The following BTRC variants were observed in gnomAD, a reference collection of about 807,000 sequenced individuals.
BTRC encodes the protein F-box/WD repeat-containing protein 1A.
Under a neutral mutation model 85.5 loss-of-function variants are expected in BTRC, and 42 were observed. That is an observed-to-expected ratio of 0.49 (90% confidence interval 0.38 to 0.64). BTRC has a LOEUF of 0.64. Among genes scored for constraint, BTRC ranks in the 30% least tolerant of loss-of-function variants. The pLI is 0.00. For synonymous variants in BTRC, 255 were observed against 263.3 expected, an observed-to-expected ratio of 0.97 and a Z score of 0.30; for missense variants, 594 against 743.5, an observed-to-expected ratio of 0.80 and a Z score of 2.34.
chr10:101,374,280 T>C (rs912360718), intron 1 of BTRC, among the ~76,000 whole-genome samples: 4 of 152,150 alleles, frequency 2.6e-5, no homozygotes, highest in African/African-American at 2.4e-5. Context: ...TGGTATCTCA[T>C]AGTGGTTTTG....
At chr10:101,543,970 C>A (rs982648206) in intron 13 of BTRC, among the ~76,000 whole-genome samples, 2 of 152,142 alleles carry the variant, frequency 1.3e-5, no homozygotes, top group Non-Finnish European at 2.9e-5. Flanking sequence ...AGTGCACTGG[C>A]GTGATCTTGG....
chr10:101,471,724 G>T (rs1228924592), intron 3 of BTRC, among the ~76,000 whole-genome samples: 1 of 152,098 alleles, frequency 6.6e-6, no homozygotes, highest in African/African-American at 2.4e-5. Context: ...CTTTGTGAAA[G>T]ATTTTTTAAA....
At chr10:101,354,334 C>G (rs1172353288) in intron 1 of BTRC, 106 bp downstream of exon 1, 2 of 1,278,052 alleles carry the variant, frequency 1.6e-6, no homozygotes, top group South Asian at 3.1e-5. Flanking sequence ...GACCCTGGGC[C>G]GAGGCTGGCG....
At chr10:101,430,559 CCTT>C in intron 2 of BTRC, 107 bp downstream of exon 2, 3 of 824,638 alleles carry the variant, frequency 3.6e-6, no homozygotes, top group Non-Finnish European at 5.9e-6. Context: ...CATCTTTTCT[CCTT>C]CATATTGCCT....
At chr10:101,383,525 CT>C (rs1942991957) in intron 1 of BTRC, among the ~76,000 whole-genome samples, 1 of 151,766 alleles carries the variant, frequency 6.6e-6, no homozygotes, top group Admixed American at 6.6e-5. Flanking sequence ...TTCTTTCTTC[CT>C]TTCTTTCCTT....
chr10:101,400,140 T>C (rs1391685740), intron 1 of BTRC, among the ~76,000 whole-genome samples: 2 of 152,234 alleles, frequency 1.3e-5, no homozygotes, highest in Non-Finnish European at 2.9e-5. Flanking sequence ...ACTTGGTCTT[T>C]GAAATTGTTA....
intron 1 of BTRC, among the ~76,000 whole-genome samples, chr10:101,357,168 C>T (rs997326248): frequency 4.8e-5 from 7 of 144,466 alleles, no homozygotes; most frequent in African/African-American, 1.5e-4. Context: ...ATTGGCCAGG[C>T]GTGGTGGCTC....
At chr10:101,376,235 G>T (rs1036971680) in intron 1 of BTRC, among the ~76,000 whole-genome samples, 1 of 152,194 alleles carries the variant, frequency 6.6e-6, no homozygotes, top group African/African-American at 2.4e-5. Context: ...TGAGGCCAGA[G>T]AATCGCTTGA....
chr10:101,412,532 A>T lies in BTRC; in HGVS notation c.49-17813A>T, dbSNP rs980949805. On this transcript the variant is annotated intron_variant, in intron 1 of 14. Transcript: ENST00000370187. ...ATACCAATTATTGCCTTATGGTAGA[A>T]TCTAAAGTCTAGTGCTTGTTTTTAC... Among the ~76,000 whole-genome samples, 5 of 152,222 alleles carry T rather than the reference A, an allele frequency of 3.3e-5. No homozygotes were observed. In the East Asian group the frequency reaches 9.6e-4, roughly 29 times the overall value.
At chr10:101,481,389 G>A (rs72839391) in intron 4 of BTRC, among the ~76,000 whole-genome samples, 2,123 of 152,052 alleles carry the variant, frequency 0.014, 25 homozygotes, top group Non-Finnish European at 0.022. Flanking sequence ...GTGACTTCTG[G>A]CTAAATAAGG....
chr10:101,478,298 C>T (rs957387013), intron 3 of BTRC, among the ~76,000 whole-genome samples: 82 of 147,066 alleles, frequency 5.6e-4, no homozygotes, highest in Non-Finnish European at 8.8e-4. Context: ...AAGACTCCAT[C>T]TCAAAAAAAA....
intron 2 of BTRC, among the ~76,000 whole-genome samples, chr10:101,433,007 C>T (rs541713116): frequency 1.3e-5 from 2 of 152,154 alleles, no homozygotes; most frequent in Non-Finnish European, 2.9e-5. Flanking sequence ...GTTTAGTGCC[C>T]CCAACATGAA....
chr10:101,420,506 C>T (rs570674141), intron 1 of BTRC, among the ~76,000 whole-genome samples: 12 of 152,038 alleles, frequency 7.9e-5, no homozygotes, highest in African/African-American at 2.4e-4. Flanking sequence ...TCACTGCCAT[C>T]CCCCCACCCT....
At chr10:101,522,013 GCTTTT>G in intron 5 of BTRC, 143 bp downstream of exon 5, 3 of 80,796 alleles carry the variant, frequency 3.7e-5, no homozygotes, top group South Asian at 2.5e-4. Context: ...TTGATATAAA[GCTTTT>G]TTTTTTTTTT....
chr10:101,522,592 T>G (rs559863831), intron 5 of BTRC, among the ~76,000 whole-genome samples: 11 of 151,454 alleles, frequency 7.3e-5, no homozygotes, highest in Admixed American at 2.6e-4. Context: ...GGCTAATTTT[T>G]GTATTTTTAG....
chr10:101,506,797 T>C (rs565623156), intron 4 of BTRC, among the ~76,000 whole-genome samples: 33 of 152,226 alleles, frequency 2.2e-4, no homozygotes, highest in Non-Finnish European at 4.9e-4. Context: ...AGTGTACTCA[T>C]TGTTTCACAA....
chr10:101,481,399 G>GT (rs753021682), intron 4 of BTRC, among the ~76,000 whole-genome samples: 69 of 152,146 alleles, frequency 4.5e-4, no homozygotes, highest in Non-Finnish European at 8.4e-4. Context: ...GCTAAATAAG[G>GT]TAAAATTTTA....
At chr10:101,482,605 C>T (rs952344583) in intron 4 of BTRC, among the ~76,000 whole-genome samples, 25 of 151,544 alleles carry the variant, frequency 1.6e-4, no homozygotes, top group African/African-American at 6.1e-4. Context: ...CCGCGTTGGC[C>T]GGGATGGTCT....
At chr10:101,397,895 T>G (rs1265770643) in intron 1 of BTRC, among the ~76,000 whole-genome samples, 1 of 152,248 alleles carries the variant, frequency 6.6e-6, no homozygotes, top group Non-Finnish European at 1.5e-5. Flanking sequence ...TTTAGCTCTA[T>G]CTTTCAAACT....
Sources: allele counts gnomAD v4.1 joint callset (sites outside exome capture counted in the v4.1 genomes callset), GRCh38; gene constraint gnomAD v4.1.1; transcripts MANE v1.5; gene names NCBI Gene and HGNC (gene_info 2026-07-23, HGNC 2026-07-21).